Variants in ZMYM2 observed in about 807,000 individuals in gnomAD.
ZMYM2 encodes zinc finger MYM-type protein 2.
A neutral mutation model predicts 162.8 loss-of-function variants in ZMYM2; 56 were observed. That is an observed-to-expected ratio of 0.34 (90% CI 0.28 to 0.43). The LOEUF (loss-of-function observed/expected upper bound fraction) is 0.43, where lower values mean the gene tolerates loss of function less well. Among genes scored for constraint, ZMYM2 ranks in the 20% least tolerant of loss-of-function variants. The probability of loss-of-function intolerance (pLI) is 1.00; values close to 1 mark genes in which losing one functional copy is unlikely to be tolerated. For missense variants in ZMYM2, 1,275 were observed against 1,621.8 expected (o/e 0.79, Z 3.67); for synonymous variants, 510 against 541.6 (o/e 0.94, Z 0.81).
the ZMYM2 span, among the ~76,000 whole-genome samples, chr13:19,871,481 G>T: frequency 6.6e-6 from 1 of 151,994 alleles, no homozygotes; most frequent in African/African-American, 2.4e-5. Flanking sequence ...GAGTACAGTA[G>T]CCAACTCCTG....
chr13:19,898,807 G>T, the ZMYM2 span, among the ~76,000 whole-genome samples: 1 of 151,978 alleles, frequency 6.6e-6, no homozygotes, highest in Non-Finnish European at 1.5e-5. Context: ...TGTAACTGTA[G>T]TCCCAGCTAT....
chr13:20,072,402 T>C (rs951290624), intron 21 of ZMYM2, among the ~76,000 whole-genome samples: 1 of 152,114 alleles, frequency 6.6e-6, no homozygotes, highest in African/African-American at 2.4e-5. Flanking sequence ...GCACCTGTAG[T>C]CCCAGCTACT....
intron 19 of ZMYM2, 55 bp downstream of exon 19, chr13:20,064,600 A>G (rs1261535276): frequency 7.3e-7 from 1 of 1,371,428 alleles, no homozygotes. Flanking sequence ...AAACAAGGAT[A>G]CAGTGTTCTT....
At chr13:20,027,423 G>A in intron 9 of ZMYM2, 105 bp downstream of exon 9, 2 of 868,034 alleles carry the variant, frequency 2.3e-6, no homozygotes, top group Non-Finnish European at 3.3e-6. Flanking sequence ...TACGTAGCTT[G>A]TTGAGGGTCA....
intron 7 of ZMYM2, 129 bp downstream of exon 7, chr13:20,019,747 C>T (rs1389726024): frequency 3.8e-6 from 3 of 792,146 alleles, no homozygotes; most frequent in Non-Finnish European, 6.2e-6. Context: ...TAAATTGTAT[C>T]AAATGATGAA....
Position 20,088,525 on chromosome 13 carries a change from T to C in ZMYM2, c.*2511T>C, listed in dbSNP as rs926634387. The C allele has an allele frequency of 3.5e-5, 7 of 199,650 alleles. No individual in the cohort carries two copies. Among genetic ancestry groups the C allele is most frequent in the African/African-American group, 1.6e-4 (7 of 43,550 alleles). 12.4% of individuals were successfully genotyped at this position (199,650 alleles called of 1,614,324 possible). A position where few individuals can be genotyped will look rare whatever the true frequency, so the allele number is the denominator to read the frequency against. The stretch of plus-strand genomic sequence containing the variant: ...ATTTATCCACATTGAAGAAAGTGGA[T>C]TTCCCATGCAAATTGAATCTTCATT... On this transcript the variant is annotated 3_prime_UTR_variant, in exon 25 of 25. Transcript: ENST00000610343.
chr13:19,924,674 G>A, the ZMYM2 span, among the ~76,000 whole-genome samples: 1 of 152,074 alleles, frequency 6.6e-6, no homozygotes, highest in Admixed American at 6.6e-5. Context: ...CCATTCCATT[G>A]TACATATATC....
the ZMYM2 span, chr13:19,864,822 C>T: frequency 2.0e-4 from 31 of 152,272 alleles, no homozygotes; most frequent in Non-Finnish European, 5.9e-5. Flanking sequence ...CCACAGGCCA[C>T]CTCCACGAGG....
At chr13:20,047,889 A>T (rs1353630093) in intron 12 of ZMYM2, among the ~76,000 whole-genome samples, 1 of 152,124 alleles carries the variant, frequency 6.6e-6, no homozygotes, top group Non-Finnish European at 1.5e-5. Flanking sequence ...AAAGAAGTAG[A>T]TTTTACTTTT....
chr13:20,006,123 C>T (rs933604740), intron 5 of ZMYM2, among the ~76,000 whole-genome samples: 11 of 151,812 alleles, frequency 7.2e-5, no homozygotes, highest in African/African-American at 2.7e-4. Context: ...GTCTCAGCTA[C>T]TCGGGAGGCT....
At chr13:19,897,671 G>A in the ZMYM2 span, among the ~76,000 whole-genome samples, 8,548 of 151,730 alleles carry the variant, frequency 0.056, 426 homozygotes, top group African/African-American at 0.14. Flanking sequence ...ACAAAATAGA[G>A]TTTAAGTCAA....
the ZMYM2 span, among the ~76,000 whole-genome samples, chr13:19,940,042 T>G: frequency 6.6e-6 from 1 of 152,124 alleles, no homozygotes; most frequent in African/African-American, 2.4e-5. Flanking sequence ...ACTATTCAAT[T>G]TTATGTTTTT....
At chr13:20,051,237 T>C (rs1309262003) in intron 12 of ZMYM2, among the ~76,000 whole-genome samples, 196 bp from the exon 13 acceptor site, 2 of 142,974 alleles carry the variant, frequency 1.4e-5, no homozygotes, top group Non-Finnish European at 3.0e-5. Flanking sequence ...GGATGGACTT[T>C]GTCAACTGTG....
the ZMYM2 span, among the ~76,000 whole-genome samples, chr13:19,893,170 C>T: frequency 7.2e-5 from 11 of 151,736 alleles, no homozygotes; most frequent in South Asian, 2.1e-4. Flanking sequence ...TGGTGGCTCA[C>T]GCCTGTAATC....
chr13:19,969,546 A>G (rs1382213683), intron 2 of ZMYM2, among the ~76,000 whole-genome samples: 1 of 152,222 alleles, frequency 6.6e-6, no homozygotes, highest in African/African-American at 2.4e-5. Context: ...TGTTAGATGT[A>G]TGATGAAATT....
intron 14 of ZMYM2, among the ~76,000 whole-genome samples, chr13:20,055,123 A>G (rs1203392444): frequency 6.6e-6 from 1 of 151,918 alleles, no homozygotes; most frequent in East Asian, 1.9e-4. Context: ...TTGTGTATGC[A>G]GATTCTGGTA....
At chr13:19,886,454 C>T in the ZMYM2 span, among the ~76,000 whole-genome samples, 8 of 151,780 alleles carry the variant, frequency 5.3e-5, no homozygotes, top group African/African-American at 1.7e-4. Context: ...TGAGCCACTG[C>T]GCCCAGCGAA....
At chr13:19,906,975 C>T in the ZMYM2 span, among the ~76,000 whole-genome samples, 1 of 152,118 alleles carries the variant, frequency 6.6e-6, no homozygotes, top group African/African-American at 2.4e-5. Flanking sequence ...ATCTGACTGC[C>T]TTGGCATCCC....
chr13:20,060,792 T>C (rs1377397241), intron 16 of ZMYM2, among the ~76,000 whole-genome samples: 1 of 148,664 alleles, frequency 6.7e-6, no homozygotes, highest in African/African-American at 2.6e-5. Flanking sequence ...AAGAACACTG[T>C]GTCAGGGCTT....
Sources: gnomAD v4.1 joint callset for allele counts (sites outside exome capture counted in the v4.1 genomes callset) on GRCh38, gnomAD v4.1.1 for gene constraint, MANE v1.5 for transcripts, NCBI Gene and HGNC (gene_info 2026-07-23, HGNC 2026-07-21) for gene names.